FLI1: variants seen among roughly 807,000 people sequenced by gnomAD.
The protein encoded by FLI1 is Friend leukemia integration 1 transcription factor.
A neutral mutation model predicts 53.1 loss-of-function variants in FLI1; 13 were observed. The ratio of observed to expected loss-of-function variants is 0.24; its 90% CI spans 0.16 to 0.39. The LOEUF (loss-of-function observed/expected upper bound fraction) is 0.39, where lower values mean the gene tolerates loss of function less well. FLI1 is among the 10% of genes least tolerant of loss of function. FLI1 has a pLI of 1.00. For missense variants in FLI1, 424 were observed against 600.5 expected (o/e 0.71, Z 3.07); for synonymous variants, 244 against 236.7 (o/e 1.03, Z -0.28).
chr11:128,780,342 G>A (rs1007476687), intron 4 of FLI1, among the ~76,000 whole-genome samples: 3 of 152,154 alleles, frequency 2.0e-5, no homozygotes, highest in African/African-American at 4.8e-5. Context: ...TTCCTCTGCC[G>A]GGTGCGGTGG....
intron 5 of FLI1, 123 bp from the exon 6 acceptor site, chr11:128,805,243 G>A: frequency 6.8e-6 from 4 of 586,874 alleles, no homozygotes; most frequent in Admixed American, 6.7e-5. Flanking sequence ...CAGAATTTAG[G>A]GATGCTTTAA....
rs778394686 is a variant in FLI1 at position 128,772,736 on chromosome 11, C to A, written c.386-46C>A. 3 of 1,538,564 alleles carry A rather than the reference C, an allele frequency of 1.9e-6. No individual in the cohort carries two copies. The South Asian group carries it at 3.3e-5, about 17-fold the overall frequency. On this transcript the variant is annotated intron_variant, in intron 3 of 8. Coordinates refer to ENST00000527786, the MANE Select transcript of FLI1 (RefSeq NM_002017.5). ...GAGGCTGCCTAGGCTCTCAGGGAGC[C>A]TCTACCTTCCTGCAGTCCTTGCTAA... is the stretch of plus-strand genomic sequence containing the variant.
At chr11:128,797,288 C>T (rs1485235260) in intron 5 of FLI1, among the ~76,000 whole-genome samples, 8 of 152,206 alleles carry the variant, frequency 5.3e-5, no homozygotes, top group Admixed American at 5.2e-4. Context: ...CAAAGAGATG[C>T]TGTCAAGTTT....
chr11:128,703,057 A>C (rs1467041722), intron 1 of FLI1, among the ~76,000 whole-genome samples: 2 of 152,232 alleles, frequency 1.3e-5, no homozygotes, highest in African/African-American at 4.8e-5. Context: ...CACTAGAAAG[A>C]AAATACAAAT....
chr11:128,689,320 G>T (rs907638188), upstream of FLI1, among the ~76,000 whole-genome samples: 2 of 152,202 alleles, frequency 1.3e-5, no homozygotes, highest in African/African-American at 2.4e-5. Flanking sequence ...CTCCTAGCGC[G>T]CAGAGCATAT....
Position 128,694,140 on chromosome 11 carries a change from C to A in FLI1, c.-119C>A. 1.8e-6 allele frequency: 2 copies of A among 1,118,534 alleles called. No homozygotes were observed. Among genetic ancestry groups the A allele is most frequent in the Non-Finnish European group, 2.5e-6 (2 of 815,362 alleles). The allele number at this position is 1,118,534 out of a possible 1,614,324, so 69.3% of individuals were successfully genotyped here. The stretch of plus-strand genomic sequence containing the variant: ...GGGCAGGGCGCTCGCAGGGGGCACG[C>A]AGGGAGGGCCCAGGGCGCCAGGGAG... On this transcript the variant is annotated 5_prime_UTR_variant, in exon 1 of 9. Coordinates refer to ENST00000527786, the MANE Select transcript of FLI1 (RefSeq NM_002017.5).
intron 1 of FLI1, among the ~76,000 whole-genome samples, chr11:128,717,752 C>T (rs1397587492): frequency 4.6e-5 from 7 of 152,222 alleles, no homozygotes; most frequent in Admixed American, 4.6e-4. Context: ...CAAAGCAAGT[C>T]AGTAACCCCT....
intron 1 of FLI1, among the ~76,000 whole-genome samples, chr11:128,714,258 G>T (rs983815779): frequency 2.2e-4 from 33 of 147,242 alleles, no homozygotes; most frequent in African/African-American, 8.3e-4. Context: ...AGCTCTGGAA[G>T]ATGCGCTGGC....
chr11:128,765,771 T>C (rs897948717), intron 2 of FLI1, among the ~76,000 whole-genome samples: 1 of 151,966 alleles, frequency 6.6e-6, no homozygotes, highest in Non-Finnish European at 1.5e-5. Flanking sequence ...TGTGCGTGAG[T>C]GTGTGTGTAT....
rs374132786 is a variant in FLI1 at position 128,801,772 on chromosome 11, A to G, written c.656-3594A>G. ...TATTGGCCAAGTTTATTCATTCAAC[A>G]AATACTTAGAGTCTACTAACTCTGT... On this transcript the variant is annotated intron_variant, in intron 5 of 8. Transcript: ENST00000527786. Among the ~76,000 whole-genome samples the G allele has an allele frequency of 4.6e-5, 7 of 152,364 alleles. No homozygotes were observed. The South Asian group carries it at 1.5e-3, about 32-fold the overall frequency.
At chr11:128,707,815 C>G (rs996844755) in intron 1 of FLI1, among the ~76,000 whole-genome samples, 1 of 152,142 alleles carries the variant, frequency 6.6e-6, no homozygotes, top group Non-Finnish European at 1.5e-5. Flanking sequence ...AATTTAAAAC[C>G]CTGTGTGTAT....
At chr11:128,807,957 T>A (rs548166364) in intron 7 of FLI1, among the ~76,000 whole-genome samples, 4 of 152,176 alleles carry the variant, frequency 2.6e-5, no homozygotes, top group Non-Finnish European at 5.9e-5. Flanking sequence ...TCTTCTTATG[T>A]GATGCAGCTG....
intron 1 of FLI1, among the ~76,000 whole-genome samples, chr11:128,722,272 C>A (rs1939285379): frequency 1.3e-5 from 2 of 152,102 alleles, no homozygotes; most frequent in African/African-American, 4.8e-5. Context: ...AACATTTTGA[C>A]AGGGTATGGA....
chr11:128,747,520 C>T (rs766963196), intron 1 of FLI1, among the ~76,000 whole-genome samples: 6 of 152,212 alleles, frequency 3.9e-5, no homozygotes, highest in Non-Finnish European at 8.8e-5. Flanking sequence ...TACTTCCTAC[C>T]CATCCGGCTA....
At chr11:128,761,510 C>T (rs189705192) in intron 2 of FLI1, among the ~76,000 whole-genome samples, 123 of 152,298 alleles carry the variant, frequency 8.1e-4, no homozygotes, top group Admixed American at 5.4e-3. Context: ...AAAGTTAGGA[C>T]GCAGATCCAG....
intron 1 of FLI1, among the ~76,000 whole-genome samples, chr11:128,756,951 C>A (rs184510074): frequency 3.9e-5 from 6 of 152,148 alleles, no homozygotes; most frequent in Non-Finnish European, 8.8e-5. Flanking sequence ...GGCACGATCA[C>A]GGCTCACTGC....
chr11:128,721,931 G>A (rs1351282875), intron 1 of FLI1, among the ~76,000 whole-genome samples: 1 of 152,104 alleles, frequency 6.6e-6, no homozygotes, highest in Non-Finnish European at 1.5e-5. Context: ...GCCTAAGAAG[G>A]CCCCACTAAG....
At chr11:128,724,204 C>T (rs1332176817) in intron 1 of FLI1, among the ~76,000 whole-genome samples, 2 of 152,120 alleles carry the variant, frequency 1.3e-5, no homozygotes, top group African/African-American at 4.8e-5. Flanking sequence ...CTTGGCCTCC[C>T]AAAGTGCTGG....
intron 2 of FLI1, among the ~76,000 whole-genome samples, chr11:128,764,380 C>T (rs887566693): frequency 8.5e-5 from 13 of 152,370 alleles, no homozygotes; most frequent in Admixed American, 6.5e-4. Context: ...ACCCTACCCT[C>T]GGCAGCTCTG....
Sources: allele counts gnomAD v4.1 joint callset (sites outside exome capture counted in the v4.1 genomes callset), GRCh38; gene constraint gnomAD v4.1.1; transcripts MANE v1.5; gene names NCBI Gene and HGNC (gene_info 2026-07-23, HGNC 2026-07-21).